The following GPR89B variants were observed in gnomAD, a reference collection of about 807,000 sequenced individuals.
GPR89B encodes golgi pH regulator B.
In GPR89B, 25 loss-of-function variants were observed where a neutral mutation model predicts 52.4. The observed-to-expected ratio is 0.48, with a 90% CI of 0.35 to 0.67. The LOEUF is 0.67. Among genes scored for constraint, GPR89B ranks in the 30% least tolerant of loss-of-function variants. GPR89B has a pLI of 0.01. For synonymous variants in GPR89B, 52 were observed against 151.2 expected (o/e 0.34, Z 4.81); for missense variants, 146 against 450.2 (o/e 0.32, Z 6.11).
the GPR89B span, among the ~76,000 whole-genome samples, chr1:148,023,734 CTTCTT>C: frequency 6.7e-6 from 1 of 150,108 alleles, no homozygotes; most frequent in Admixed American, 6.6e-5. Context: ...GCTTGTATGT[CTTCTT>C]TTAAGAAGTG....
At chr1:147,986,092 T>C (rs1422952987) in intron 10 of GPR89B, 107 bp from the exon 11 acceptor site, 30 of 1,598,122 alleles carry the variant, frequency 1.9e-5, no homozygotes, top group African/African-American at 1.7e-4. Context: ...TTTAGGAACA[T>C]TGACCTGTAA....
the GPR89B span, among the ~76,000 whole-genome samples, chr1:148,006,953 G>A: frequency 6.6e-6 from 1 of 151,308 alleles, no homozygotes; most frequent in African/African-American, 2.4e-5. Flanking sequence ...CTGACCTCAG[G>A]TAATCCACTC....
chr1:147,932,227 A>G (rs1256545942), intron 1 of GPR89B, among the ~76,000 whole-genome samples: 1 of 152,108 alleles, frequency 6.6e-6, no homozygotes, highest in Non-Finnish European at 1.5e-5. Context: ...GTAAATATTT[A>G]TAATAGCCAA....
intron 1 of GPR89B, among the ~76,000 whole-genome samples, chr1:147,929,733 T>G (rs1653376608): frequency 6.6e-6 from 1 of 152,194 alleles, no homozygotes; most frequent in East Asian, 1.9e-4. Flanking sequence ...TTTACAATAT[T>G]TAAGAAAATA....
At chr1:148,025,612 A>G in the GPR89B span, among the ~76,000 whole-genome samples, 1 of 143,558 alleles carries the variant, frequency 7.0e-6, no homozygotes, top group Non-Finnish European at 1.5e-5. Flanking sequence ...CCCTGAATTT[A>G]TATGTTGAAA....
the GPR89B span, among the ~76,000 whole-genome samples, chr1:148,001,706 C>T: frequency 6.6e-6 from 1 of 150,942 alleles, no homozygotes; most frequent in African/African-American, 2.5e-5. Context: ...CTGCTCAGAA[C>T]TCACCCCAGA....
the GPR89B span, among the ~76,000 whole-genome samples, chr1:148,007,115 G>T: frequency 8.1e-6 from 1 of 123,186 alleles, no homozygotes; most frequent in Admixed American, 9.1e-5. Context: ...TTGCTTTATC[G>T]CCCAGCCTGG....
chr1:147,949,534 C>T (rs1191116398), intron 5 of GPR89B, among the ~76,000 whole-genome samples: 1,307 of 37,744 alleles, frequency 0.035, no homozygotes, highest in Non-Finnish European at 0.043. Flanking sequence ...GGCAGAGGCG[C>T]CCCTCACCTC....
the GPR89B span, among the ~76,000 whole-genome samples, chr1:148,003,274 T>A: frequency 2.7e-4 from 41 of 152,276 alleles, 1 homozygote; most frequent in South Asian, 8.3e-3. Context: ...TGAAAGAACC[T>A]AGTGTTCTTC....
At chr1:147,950,158 G>A (rs1655510165) in intron 5 of GPR89B, among the ~76,000 whole-genome samples, 1 of 147,896 alleles carries the variant, frequency 6.8e-6, no homozygotes. Context: ...CCGGGCGGAG[G>A]GGCTCCTCAC....
At chr1:147,942,447 A>G (rs1210064349) in intron 3 of GPR89B, among the ~76,000 whole-genome samples, 3 of 151,822 alleles carry the variant, frequency 2.0e-5, no homozygotes, top group Non-Finnish European at 4.4e-5. Flanking sequence ...TGACCCAACA[A>G]TTCCACTCCA....
chr1:147,960,263 CAT>C (rs1656433797), intron 7 of GPR89B, among the ~76,000 whole-genome samples: 1 of 150,572 alleles, frequency 6.6e-6, no homozygotes, highest in African/African-American at 2.5e-5. Flanking sequence ...ACTTGCTAGA[CAT>C]GTAAAGAAAC....
intron 1 of GPR89B, among the ~76,000 whole-genome samples, chr1:147,929,905 G>C (rs1229780836): frequency 6.6e-6 from 1 of 152,100 alleles, no homozygotes; most frequent in Non-Finnish European, 1.5e-5. Context: ...TAACTCTTCT[G>C]CTTAAAACCT....
intron 10 of GPR89B, 126 bp from the exon 11 acceptor site, chr1:147,986,073 A>G: frequency 6.3e-7 from 1 of 1,581,534 alleles, no homozygotes; most frequent in Non-Finnish European, 8.6e-7. Context: ...TTAAGAGTAG[A>G]ATTGCATTTT....
chr1:147,993,705 A>T (rs1248725250), downstream of GPR89B, among the ~76,000 whole-genome samples: 5 of 150,800 alleles, frequency 3.3e-5, no homozygotes, highest in Admixed American at 3.3e-4. Flanking sequence ...AAATTTTTAG[A>T]ACACTCAGAC....
chr1:147,981,778 G>C (rs1451716229), intron 10 of GPR89B, among the ~76,000 whole-genome samples: 2 of 150,716 alleles, frequency 1.3e-5, no homozygotes, highest in South Asian at 4.2e-4. Context: ...TCAGCCGCCT[G>C]AGTAGCTGGG....
At chr1:148,004,229 T>C in the GPR89B span, among the ~76,000 whole-genome samples, 1 of 150,494 alleles carries the variant, frequency 6.6e-6, no homozygotes, top group Admixed American at 6.6e-5. Context: ...CTATCTCAGC[T>C]CACTGCAAGC....
At chr1:147,997,413 G>T (rs1659342263), downstream of GPR89B, among the ~76,000 whole-genome samples, 1 of 152,158 alleles carries the variant, frequency 6.6e-6, no homozygotes, top group African/African-American at 2.4e-5. Context: ...TTCCTCTCCT[G>T]TGCTTGGACA....
chr1:147,940,771 A>G (rs1654493602), intron 3 of GPR89B, among the ~76,000 whole-genome samples: 1 of 152,036 alleles, frequency 6.6e-6, no homozygotes, highest in South Asian at 2.1e-4. Flanking sequence ...TCATCTAAAT[A>G]TTGATACAGA....
Sources: gnomAD v4.1 joint callset for allele counts (sites outside exome capture counted in the v4.1 genomes callset) on GRCh38, gnomAD v4.1.1 for gene constraint, MANE v1.5 for transcripts, NCBI Gene and HGNC (gene_info 2026-07-23, HGNC 2026-07-21) for gene names.